Variants in LRP1B observed in about 807,000 individuals in gnomAD.
LRP1B encodes low-density lipoprotein receptor-related protein 1B.
Under a neutral mutation model 556.6 loss-of-function variants are expected in LRP1B, and 217 were observed. The observed-to-expected ratio is 0.39, with a 90% confidence interval of 0.35 to 0.44. The LOEUF is 0.44. LRP1B is among the 20% of genes least tolerant of loss of function. The pLI is 1.00. For synonymous variants in LRP1B, 2,047 were observed against 1,865.8 expected (o/e 1.10, Z -2.50); for missense variants, 5,053 against 5,620.8 (o/e 0.90, Z 3.23).
At position 141,216,977 on chromosome 2, in the gene LRP1B, T is replaced by C. The variant is rs576285563; in HGVS notation, c.850+12206A>G. 2.0e-5 allele frequency among the ~76,000 whole-genome samples: 3 copies of C among 152,286 alleles called. No individual in the cohort carries two copies. In the South Asian group the frequency reaches 6.2e-4, roughly 32 times the overall value. On this transcript the variant is annotated intron_variant, in intron 6 of 90. Coordinates refer to ENST00000389484, the MANE Select transcript of LRP1B (RefSeq NM_018557.3). ...CTTTAGACTTGGGACTTTTAATTGA[T>C]CTGATGCTGGAATGAGGTCAGACTT...
At chr2:141,487,871 ATTTGCTTGT>A (rs1207101067) in intron 2 of LRP1B, among the ~76,000 whole-genome samples, 2 of 152,148 alleles carry the variant, frequency 1.3e-5, no homozygotes, top group African/African-American at 4.8e-5. Flanking sequence ...TTCAACAGCC[ATTTGCTTGT>A]CTAAACTCGC....
chr2:141,807,720 G>T (rs1198105319), intron 2 of LRP1B, among the ~76,000 whole-genome samples: 2 of 152,054 alleles, frequency 1.3e-5, no homozygotes, highest in East Asian at 3.9e-4. Flanking sequence ...GTGAACTGAA[G>T]GACCACCTTT....
chr2:140,612,909 C>T (rs1159616865), intron 41 of LRP1B, among the ~76,000 whole-genome samples: 1 of 151,984 alleles, frequency 6.6e-6, no homozygotes, highest in African/African-American at 2.4e-5. Context: ...GTTCATCTAG[C>T]ACCACTTTTG....
At chr2:140,740,760 G>A (rs535213803) in intron 35 of LRP1B, among the ~76,000 whole-genome samples, 2 of 152,142 alleles carry the variant, frequency 1.3e-5, no homozygotes, top group Non-Finnish European at 2.9e-5. Context: ...ATCTTGGCCT[G>A]TAGATGGCCA....
In LRP1B at chr2:141,461,970, C is replaced by T. The variant is rs1338048503; in HGVS notation, c.343+18426G>A. Among the ~76,000 whole-genome samples, 5 of 152,308 alleles carry T rather than the reference C, an allele frequency of 3.3e-5. No individual in the cohort carries two copies. The East Asian group carries it at 7.7e-4, about 24-fold the overall frequency. ...GCCAGATTAATCCCTGCATTCAAAG[C>T]ACAAAAATGTAATGTTCATCTTATA... is the stretch of plus-strand genomic sequence containing the variant. On this transcript the variant is annotated intron_variant, in intron 3 of 90. Transcript: ENST00000389484.
At chr2:141,310,858 A>G (rs184832451) in intron 3 of LRP1B, among the ~76,000 whole-genome samples, 218 of 152,298 alleles carry the variant, frequency 1.4e-3, no homozygotes, top group African/African-American at 5.0e-3. Context: ...AAATCTTATT[A>G]CTACTTCCAG....
At chr2:140,779,210 A>T (rs13030528) in intron 32 of LRP1B, among the ~76,000 whole-genome samples, 1 of 151,822 alleles carries the variant, frequency 6.6e-6, no homozygotes, top group Non-Finnish European at 1.5e-5. Context: ...CTTAAAAAAA[A>T]TCTTTTTTAA....
At chr2:141,602,874 A>G (rs760036362) in intron 2 of LRP1B, among the ~76,000 whole-genome samples, 2 of 152,220 alleles carry the variant, frequency 1.3e-5, no homozygotes, top group Non-Finnish European at 2.9e-5. Context: ...GTTGATGTTA[A>G]TCTTACCTGT....
At chr2:141,807,255 A>G (rs763770971) in intron 2 of LRP1B, among the ~76,000 whole-genome samples, 26 of 124,496 alleles carry the variant, frequency 2.1e-4, no homozygotes, top group Admixed American at 4.6e-4. Flanking sequence ...GCAAAGACTG[A>G]TATTTTCATA....
At chr2:141,894,785 C>T (rs991932413) in intron 1 of LRP1B, among the ~76,000 whole-genome samples, 1 of 152,022 alleles carries the variant, frequency 6.6e-6, no homozygotes, top group Non-Finnish European at 1.5e-5. Flanking sequence ...CACAGTGGCT[C>T]ATGCCTGTAA....
intron 41 of LRP1B, among the ~76,000 whole-genome samples, chr2:140,623,074 G>A (rs190610389): frequency 6.6e-6 from 1 of 152,240 alleles, no homozygotes; most frequent in African/African-American, 2.4e-5. Flanking sequence ...AAAATGGAAA[G>A]AAGGCATTGT....
At chr2:141,174,003 C>A (rs1472712658) in intron 7 of LRP1B, among the ~76,000 whole-genome samples, 1 of 151,794 alleles carries the variant, frequency 6.6e-6, no homozygotes, top group Non-Finnish European at 1.5e-5. Flanking sequence ...AGATAGAATA[C>A]TTTTCTTTCT....
intron 32 of LRP1B, among the ~76,000 whole-genome samples, chr2:140,808,698 A>G (rs1439203611): frequency 5.3e-5 from 8 of 152,200 alleles, no homozygotes; most frequent in Admixed American, 5.2e-4. Flanking sequence ...GCACTGATAA[A>G]TGCTTGCTGA....
intron 18 of LRP1B, among the ~76,000 whole-genome samples, chr2:140,956,267 T>C (rs16845015): frequency 0.11 from 17,096 of 151,714 alleles, 1,280 homozygotes; most frequent in East Asian, 0.2. Flanking sequence ...ATCACATAAA[T>C]AGCAAGTGGC....
At chr2:141,788,183 GC>G (rs1198567161) in intron 2 of LRP1B, among the ~76,000 whole-genome samples, 1 of 151,900 alleles carries the variant, frequency 6.6e-6, no homozygotes, top group African/African-American at 2.4e-5. Context: ...AAAACTAGTA[GC>G]TTTTTGTTGC....
intron 84 of LRP1B, among the ~76,000 whole-genome samples, chr2:140,287,947 T>G (rs1683219193): frequency 6.6e-6 from 1 of 151,830 alleles, no homozygotes. Context: ...ATGTCTACAT[T>G]TATTTAATCA....
chr2:141,334,432 C>G (rs771105023), intron 3 of LRP1B, among the ~76,000 whole-genome samples: 1 of 152,262 alleles, frequency 6.6e-6, no homozygotes, highest in Non-Finnish European at 1.5e-5. Flanking sequence ...TGCGGCCTTA[C>G]AGCCATGCTT....
intron 41 of LRP1B, among the ~76,000 whole-genome samples, chr2:140,610,276 G>A (rs1224332271): frequency 6.6e-6 from 1 of 152,108 alleles, no homozygotes; most frequent in Non-Finnish European, 1.5e-5. Context: ...CCCTCAAACT[G>A]AGCAAAGTTC....
chr2:141,257,216 A>G (rs192179685), intron 3 of LRP1B, among the ~76,000 whole-genome samples: 2 of 152,224 alleles, frequency 1.3e-5, no homozygotes, highest in East Asian at 3.9e-4. Context: ...GGTGAATGTA[A>G]TTAGGGGTTG....
Sources: gnomAD v4.1 joint callset for allele counts (sites outside exome capture counted in the v4.1 genomes callset) on GRCh38, gnomAD v4.1.1 for gene constraint, MANE v1.5 for transcripts, NCBI Gene and HGNC (gene_info 2026-07-23, HGNC 2026-07-21) for gene names.